The following KPNB1 variants were observed in gnomAD, a reference collection of about 807,000 sequenced individuals.
KPNB1 encodes karyopherin subunit beta 1.
KPNB1 carries 7 observed loss-of-function variants against 113.0 expected under a neutral mutation model. The ratio of observed to expected loss-of-function variants is 0.06; its 90% CI spans 0.04 to 0.12. The LOEUF (loss-of-function observed/expected upper bound fraction) is 0.12. Among genes scored for constraint, KPNB1 ranks in the 10% least tolerant of loss-of-function variants. KPNB1 has a pLI of 1.00. For missense variants in KPNB1, 400 were observed against 1,054.8 expected (o/e 0.38, Z 8.60); for synonymous variants, 363 against 378.6 (o/e 0.96, Z 0.48).
chr17:47,680,370 C>T, intron 20 of KPNB1, 138 bp from the exon 21 acceptor site: 1 of 976,530 alleles, frequency 1.0e-6, no homozygotes, highest in Non-Finnish European at 1.5e-6. Flanking sequence ...ACAATTGCCT[C>T]TGTCTAGTGA....
Position 47,683,395 on chromosome 17 carries a change from C to G in KPNB1, c.*991C>G, listed in dbSNP as rs2033388464. The G allele has an allele frequency of 6.6e-6, 1 of 152,272 alleles. No individual in the cohort carries two copies. The highest frequency in any genetic ancestry group is 6.6e-5 in the Admixed American group (1 of 15,248). 9.4% of individuals were successfully genotyped at this position (152,272 alleles called of 1,614,324 possible). On this transcript the variant is annotated 3_prime_UTR_variant, in exon 22 of 22. Coordinates refer to ENST00000290158, the MANE Select transcript of KPNB1 (RefSeq NM_002265.6). ...GCAGACTTCAAAAACAAAAAAATCA[C>G]AACCCAAACAAACCAAAATTTAAAT...
chr17:47,656,190 C>T (rs963137600), intron 3 of KPNB1, among the ~76,000 whole-genome samples: 1 of 151,848 alleles, frequency 6.6e-6, no homozygotes, highest in Non-Finnish European at 1.5e-5. Flanking sequence ...ACCCAGAAGG[C>T]GGAGGTTGCA....
At chr17:47,678,604 TC>T in intron 19 of KPNB1, 191 bp downstream of exon 19, 1 of 570,974 alleles carries the variant, frequency 1.8e-6, no homozygotes, top group Non-Finnish European at 3.1e-6. Context: ...TTGCTCTGCT[TC>T]TTCTTTCTTT....
At chr17:47,680,309 C>G (rs933451268) in intron 20 of KPNB1, among the ~76,000 whole-genome samples, 175 bp downstream of exon 20, 1 of 152,108 alleles carries the variant, frequency 6.6e-6, no homozygotes, top group Non-Finnish European at 1.5e-5. Flanking sequence ...TAGTTTATTC[C>G]AGACCCTCAA....
Position 47,665,116 on chromosome 17 carries a change from A to G in KPNB1, c.957A>G (p.Leu319=), listed in dbSNP as rs145950162. ...HTSKFYAKGA[L]QYLVPILTQT... is the part of the protein sequence containing the mutation. ...GCAAGTTTTATGCGAAGGGAGCACTACAGTATCTGGTTCCAATCCTCACAC... is the reference window on the plus strand; with the variant it reads ...GCAAGTTTTATGCGAAGGGAGCACTGCAGTATCTGGTTCCAATCCTCACAC... Residue 319 remains leucine, a synonymous_variant, in exon 9 of 22, where the codon CTA becomes CTG. Transcript: ENST00000290158. 5.8e-5 allele frequency: 93 copies of G among 1,614,078 alleles called. No homozygotes were observed. The Middle Eastern group carries it at 6.6e-4, about 11-fold the overall frequency.
rs997067224 is a variant in KPNB1, at chr17:47,685,302, GA to G, written c.*2903del. ...AAGAAGTGTGTTAGTCCAACTTTAA[GA>G]AAAATCCAAACTCATCAGCTTTTGA... On this transcript the variant is annotated 3_prime_UTR_variant, in exon 22 of 22. Transcript: ENST00000290158. 6.6e-6 allele frequency: 1 copy of G among 152,090 alleles called. No homozygotes were observed. Among genetic ancestry groups the G allele is most frequent in the African/African-American group, 2.4e-5 (1 of 41,390 alleles). 9.4% of individuals were successfully genotyped at this position (152,090 alleles called of 1,614,324 possible).
intron 15 of KPNB1, among the ~76,000 whole-genome samples, 171 bp downstream of exon 15, chr17:47,674,953 G>A (rs1229872211): frequency 6.6e-6 from 1 of 152,132 alleles, no homozygotes; most frequent in Admixed American, 6.5e-5. Flanking sequence ...ACAGTAGCTG[G>A]GACTAACAGA....
intron 9 of KPNB1, among the ~76,000 whole-genome samples, chr17:47,666,558 T>C (rs1466778972): frequency 7.1e-6 from 1 of 140,548 alleles, no homozygotes; most frequent in South Asian, 2.2e-4. Context: ...ATATATTATG[T>C]TATATGTTAT....
intron 9 of KPNB1, among the ~76,000 whole-genome samples, chr17:47,665,836 A>T (rs1484640158): frequency 6.6e-6 from 1 of 152,190 alleles, no homozygotes; most frequent in Non-Finnish European, 1.5e-5. Context: ...GGTGCATGTG[A>T]AGTATTACCA....
At chr17:47,663,005 G>T (rs959396026) in intron 6 of KPNB1, 84 bp from the exon 7 acceptor site, 7 of 789,560 alleles carry the variant, frequency 8.9e-6, no homozygotes, top group Admixed American at 3.5e-5. Flanking sequence ...TAATCCTTAG[G>T]ATTATTGGCC....
At position 47,683,526 on chromosome 17, in the gene KPNB1, A is replaced by G. The variant is rs543878414; in HGVS notation, c.*1122A>G. The G allele has an allele frequency of 2.0e-5, 3 of 152,706 alleles. No individual in the cohort carries two copies. Among genetic ancestry groups the G allele is most frequent in the Non-Finnish European group, 4.4e-5 (3 of 68,024 alleles). 9.5% of individuals were successfully genotyped at this position (152,706 alleles called of 1,614,324 possible). On this transcript the variant is annotated 3_prime_UTR_variant, in exon 22 of 22. Coordinates refer to ENST00000290158, the MANE Select transcript of KPNB1 (RefSeq NM_002265.6). Reference sequence around the variant, plus strand: ...AAAGAGTTTAGAAAAATAAATATACAATAAAAGTAAACACATACACACAAA... The same window carrying G: ...AAAGAGTTTAGAAAAATAAATATACGATAAAAGTAAACACATACACACAAA...
intron 12 of KPNB1, among the ~76,000 whole-genome samples, chr17:47,671,075 G>A (rs1258468704): frequency 6.6e-6 from 1 of 152,248 alleles, no homozygotes; most frequent in Admixed American, 6.5e-5. Flanking sequence ...GGCCAACATG[G>A]TGAAACCCTG....
chr17:47,676,538 G>T, intron 16 of KPNB1, 47 bp downstream of exon 16: 1 of 1,395,424 alleles, frequency 7.2e-7, no homozygotes, highest in Non-Finnish European at 1.0e-6. Context: ...ATATCTGACA[G>T]TCACTGTAGT....
At position 47,661,111 on chromosome 17, in the gene KPNB1, T is replaced by C. The variant is rs778469932; in HGVS notation, c.637-8T>C. On this transcript the variant is annotated splice_polypyrimidine_tract_variant and splice_region_variant and intron_variant, in intron 5 of 21. Transcript: ENST00000290158. ...TCCTAATTCTCTTTATTTTTATTCCTCCTACAGTCTGAAAGGCACTTTATT... is the reference window on the plus strand; with the variant it reads ...TCCTAATTCTCTTTATTTTTATTCCCCCTACAGTCTGAAAGGCACTTTATT... 5.0e-6 allele frequency: 8 copies of C among 1,607,272 alleles called. No homozygotes were observed. In the South Asian group the frequency reaches 8.8e-5, roughly 18 times the overall value.
chr17:47,677,955 T>C (rs2030662934), intron 17 of KPNB1, 91 bp from the exon 18 acceptor site: 1 of 1,291,394 alleles, frequency 7.7e-7, no homozygotes, highest in African/African-American at 1.5e-5. Flanking sequence ...ATATTTAAAA[T>C]CAATAGTTGC....
rs1167032617 is a variant in KPNB1 at position 47,684,811 on chromosome 17, C to G, written c.*2407C>G. On this transcript the variant is annotated 3_prime_UTR_variant, in exon 22 of 22. Transcript: ENST00000290158. ...GTGGTCTTGGTGCCTTGCAGTTACT[C>G]TGCACTGGTTATGCATTTAATTCTC... The G allele has an allele frequency of 6.5e-6, 1 of 152,730 alleles. No individual in the cohort carries two copies. The highest frequency in any genetic ancestry group is 1.9e-4 in the East Asian group (1 of 5,198). 9.5% of individuals were successfully genotyped at this position (152,730 alleles called of 1,614,324 possible).
In KPNB1 at chr17:47,668,174, T is replaced by C. The variant is rs1166213383; in HGVS notation, c.1000-12T>C. The C allele has an allele frequency of 6.2e-7, 1 of 1,609,994 alleles. No homozygotes were observed. The highest frequency in any genetic ancestry group is 8.5e-7 in the Non-Finnish European group (1 of 1,176,714). The stretch of plus-strand genomic sequence containing the variant: ...GGACAAAATCTTAACTAGTGCCATA[T>C]TCTTTCACCAGGACGAAAATGATGA... On this transcript the variant is annotated splice_polypyrimidine_tract_variant and intron_variant, in intron 9 of 21. Coordinates refer to ENST00000290158, the MANE Select transcript of KPNB1 (RefSeq NM_002265.6).
intron 14 of KPNB1, 103 bp downstream of exon 14, chr17:47,673,664 A>G (rs753339282): frequency 3.2e-5 from 28 of 877,482 alleles, no homozygotes; most frequent in Non-Finnish European, 5.3e-5. Context: ...GGTATAGATG[A>G]TGCGGATCAG....
At chr17:47,672,825 C>T (rs2030489289) in intron 12 of KPNB1, among the ~76,000 whole-genome samples, 193 bp from the exon 13 acceptor site, 1 of 152,212 alleles carries the variant, frequency 6.6e-6, no homozygotes. Context: ...TTTTAACTGT[C>T]TGGAGACCAT....
Sources: gnomAD v4.1 joint callset for allele counts (sites outside exome capture counted in the v4.1 genomes callset) on GRCh38, gnomAD v4.1.1 for gene constraint, MANE v1.5 for transcripts, NCBI Gene and HGNC (gene_info 2026-07-23, HGNC 2026-07-21) for gene names.